Variants in ABCA1 observed in about 807,000 individuals in gnomAD.
ABCA1 encodes the protein phospholipid-transporting ATPase ABCA1.
A neutral mutation model predicts 262.5 loss-of-function variants in ABCA1; 133 were observed. The observed-to-expected ratio is 0.51, with a 90% confidence interval of 0.44 to 0.59. The LOEUF (loss-of-function observed/expected upper bound fraction) is 0.59, where lower values mean the gene tolerates loss of function less well. Ranked by LOEUF, ABCA1 falls within the 20% of genes least tolerant of loss-of-function variation. The pLI, the probability that ABCA1 is intolerant of heterozygous loss-of-function variation, is 0.00. For synonymous variants in ABCA1, 1,022 were observed against 1,043.5 expected (o/e 0.98, Z 0.40); for missense variants, 2,452 against 2,777.5 (o/e 0.88, Z 2.63).
intron 2 of ABCA1, among the ~76,000 whole-genome samples, chr9:104,892,918 T>C (rs150713429): frequency 0.012 from 1,772 of 152,338 alleles, 13 homozygotes; most frequent in South Asian, 0.024. Flanking sequence ...GATTCAATTA[T>C]GGTACATGTA....
chr9:104,900,550 A>G (rs1301881567), intron 2 of ABCA1, among the ~76,000 whole-genome samples: 4 of 152,218 alleles, frequency 2.6e-5, no homozygotes, highest in African/African-American at 7.2e-5. Flanking sequence ...CGTCTAAACA[A>G]TATAATCTAG....
At chr9:104,893,103 A>G (rs1416964698) in intron 2 of ABCA1, among the ~76,000 whole-genome samples, 1 of 152,182 alleles carries the variant, frequency 6.6e-6, no homozygotes, top group Non-Finnish European at 1.5e-5. Context: ...TTCCTTTTAA[A>G]TGGCATGACT....
rs569141461 is a variant in ABCA1 at position 104,912,781 on chromosome 9, C to G, written c.-92-9010G>C. Reference sequence around the variant, plus strand: ...AGCACATAGAAAAAAAGAATCTTTCCTCTAGAAAAGAAATCAACCTTTCAA... The same window carrying G: ...AGCACATAGAAAAAAAGAATCTTTCGTCTAGAAAAGAAATCAACCTTTCAA... On this transcript the variant is annotated intron_variant, in intron 1 of 49. Transcript: ENST00000374736. Among the ~76,000 whole-genome samples, 4 of 152,108 alleles carry G rather than the reference C, an allele frequency of 2.6e-5. No individual in the cohort carries two copies. The East Asian group carries it at 7.7e-4, about 29-fold the overall frequency.
chr9:104,832,356 T>G (rs1316408428), intron 12 of ABCA1, among the ~76,000 whole-genome samples: 1 of 152,004 alleles, frequency 6.6e-6, no homozygotes, highest in Non-Finnish European at 1.5e-5. Context: ...TAAGCTAGAG[T>G]TAATTTACTA....
At chr9:104,878,870 A>G (rs768983819) in intron 5 of ABCA1, among the ~76,000 whole-genome samples, 1 of 152,184 alleles carries the variant, frequency 6.6e-6, no homozygotes. Flanking sequence ...AATTTAGCAG[A>G]TGCAAGCTGA....
At chr9:104,862,646 GGCC>G (rs1442883813) in intron 5 of ABCA1, among the ~76,000 whole-genome samples, 48 of 2,900 alleles carry the variant, frequency 0.017, 1 homozygote, top group African/African-American at 0.074. Context: ...GGCCGGGCCG[GGCC>G]GGGCCGGGCC....
rs369942332 is a variant in ABCA1 at position 104,795,595 on chromosome 9, G to A, written c.5382+458C>T. Among the ~76,000 whole-genome samples, 139 of 152,254 alleles carry A rather than the reference G, an allele frequency of 9.1e-4. 2 individuals are homozygous for A. The South Asian group carries it at 0.027, about 29-fold the overall frequency. On this transcript the variant is annotated intron_variant, in intron 39 of 49. Transcript: ENST00000374736. Reference sequence around the variant, plus strand: ...GAAAACTAGGACATATCCAGGTTGGGGTATCTATATACTATCTAAATGGAG... The same window carrying A: ...GAAAACTAGGACATATCCAGGTTGGAGTATCTATATACTATCTAAATGGAG...
chr9:104,912,947 A>G (rs1304761366), intron 1 of ABCA1, among the ~76,000 whole-genome samples: 1 of 152,226 alleles, frequency 6.6e-6, no homozygotes, highest in East Asian at 1.9e-4. Context: ...CTCTATCAGC[A>G]ACCCTTTATT....
rs898349783 is a variant in ABCA1, at chr9:104,824,668, T to A, written c.2543-90A>T. The A allele has an allele frequency of 3.5e-6, 5 of 1,439,566 alleles. No individual in the cohort carries two copies. The African/African-American group carries it at 4.2e-5, about 12-fold the overall frequency. 89.2% of individuals were successfully genotyped at this position (1,439,566 alleles called of 1,614,324 possible). ...CCAGGTCCATTTCCTCCTTGACACATCCTTTGGAGAAGGAACAGATTTGAA... is the reference window on the plus strand; with the variant it reads ...CCAGGTCCATTTCCTCCTTGACACAACCTTTGGAGAAGGAACAGATTTGAA... On this transcript the variant is annotated intron_variant, in intron 17 of 49. Transcript: ENST00000374736.
In ABCA1 at chr9:104,828,384, G is replaced by A. The variant is rs142709915; in HGVS notation, c.2115+532C>T. 1.8e-3 allele frequency among the ~76,000 whole-genome samples: 277 copies of A among 152,260 alleles called. 2 individuals carry two copies. The highest frequency in any genetic ancestry group is 3.3e-3 in the South Asian group (16 of 4,808). On this transcript the variant is annotated intron_variant, in intron 15 of 49. Coordinates refer to ENST00000374736, the MANE Select transcript of ABCA1 (RefSeq NM_005502.4). ...CTGCATATTCTCTAGAGTGCCCCACGGGGTTGGCCCTATATCACAGTTCAA... is the reference window on the plus strand; with the variant it reads ...CTGCATATTCTCTAGAGTGCCCCACAGGGTTGGCCCTATATCACAGTTCAA...
intron 2 of ABCA1, among the ~76,000 whole-genome samples, chr9:104,890,442 A>G (rs944122770): frequency 6.6e-6 from 1 of 152,094 alleles, no homozygotes; most frequent in African/African-American, 2.4e-5. Flanking sequence ...GTAGCTGGGC[A>G]TAGTGGTGGG....
At chr9:104,842,751 C>G (rs140239226) in intron 8 of ABCA1, among the ~76,000 whole-genome samples, 2 of 152,134 alleles carry the variant, frequency 1.3e-5, no homozygotes, top group African/African-American at 4.8e-5. Context: ...TTCCCCCATC[C>G]CAGTCTCTTC....
At position 104,889,134 on chromosome 9, in the gene ABCA1, C is replaced by A. The variant is rs767261058; in HGVS notation, c.128G>T (p.Arg43Leu). The A allele has an allele frequency of 6.2e-7, 1 of 1,613,914 alleles. No individual in the cohort carries two copies. The highest frequency in any genetic ancestry group is 1.3e-5 in the African/African-American group (1 of 74,878). ...LFIFLILISV[R>L]LSYPPYEQHE... is the part of the protein sequence containing the mutation. Reference sequence around the variant, plus strand: ...TTGTTCATAGGGTGGGTAGCTCAGCCGAACAGAGATCAGGATCAGGAAGAT... The same window carrying A: ...TTGTTCATAGGGTGGGTAGCTCAGCAGAACAGAGATCAGGATCAGGAAGAT... The change falls in exon 3 of 50, where the codon CGG becomes CTG. Residue 43 changes from arginine to leucine, a missense_variant. Transcript: ENST00000374736.
Position 104,862,693 on chromosome 9 carries a change from CCGGG to C in ABCA1, c.422-897_422-894del, listed in dbSNP as rs1564199672. 1.9e-4 allele frequency among the ~76,000 whole-genome samples: 2 copies of C among 10,760 alleles called. 1 individual carries two copies. Among genetic ancestry groups the C allele is most frequent in the African/African-American group, 8.8e-4 (2 of 2,274 alleles). The allele number at this position is 10,760 out of a possible 152,430, so 7.1% of individuals were successfully genotyped here. A position where few individuals can be genotyped will look rare whatever the true frequency, so the allele number is the denominator to read the frequency against. ...CCGGGCCGGGCCGGGCCGGGCCGGGCCGGGCCGGCCCCCACCCCCACCCCCACCC... is the reference window on the plus strand; with the variant it reads ...CCGGGCCGGGCCGGGCCGGGCCGGGCCCGGCCCCCACCCCCACCCCCACCC... On this transcript the variant is annotated intron_variant, in intron 5 of 49. Transcript: ENST00000374736.
chr9:104,787,464 C>G (rs1173067872), intron 46 of ABCA1, among the ~76,000 whole-genome samples: 2 of 152,076 alleles, frequency 1.3e-5, no homozygotes, highest in African/African-American at 4.8e-5. Flanking sequence ...AGGCTTCTTC[C>G]CGTAATAACA....
At chr9:104,843,128 C>A (rs1024552335) in intron 8 of ABCA1, among the ~76,000 whole-genome samples, 1 of 152,186 alleles carries the variant, frequency 6.6e-6, no homozygotes, top group Non-Finnish European at 1.5e-5. Flanking sequence ...ATGCTCTATG[C>A]CCCTTACCCT....
chr9:104,855,174 T>C (rs772838784), intron 7 of ABCA1: 21 of 984,944 alleles, frequency 2.1e-5, no homozygotes, highest in South Asian at 4.7e-5. Flanking sequence ...GTTCTAACAC[T>C]GATCTACAGA....
chr9:104,890,183 C>T (rs1453854396), intron 2 of ABCA1, among the ~76,000 whole-genome samples: 1 of 152,216 alleles, frequency 6.6e-6, no homozygotes, highest in Non-Finnish European at 1.5e-5. Flanking sequence ...AGTCACAGGG[C>T]CTTGTGTTTC....
chr9:104,827,302 T>C, intron 15 of ABCA1, 133 bp from the exon 16 acceptor site: 1 of 787,446 alleles, frequency 1.3e-6, no homozygotes, highest in Admixed American at 2.0e-5. Context: ...GCTGTTCATC[T>C]TTCTGATGAG....
Sources: allele counts gnomAD v4.1 joint callset (sites outside exome capture counted in the v4.1 genomes callset), GRCh38; gene constraint gnomAD v4.1.1; transcripts MANE v1.5; gene names NCBI Gene and HGNC (gene_info 2026-07-23, HGNC 2026-07-21).